Variants in TAF12 observed in about 807,000 individuals in gnomAD.
The protein encoded by TAF12 is transcription initiation factor TFIID subunit 12.
In TAF12, 3 loss-of-function variants were observed where a neutral mutation model predicts 20.8. The observed-to-expected ratio is 0.14, with a 90% confidence interval of 0.07 to 0.37. The LOEUF is 0.37. Ranked by LOEUF, TAF12 falls within the 10% of genes least tolerant of loss-of-function variation. TAF12 has a pLI of 1.00. For missense variants in TAF12, 131 were observed against 197.9 expected (o/e 0.66, Z 2.03); for synonymous variants, 69 against 70.2 (o/e 0.98, Z 0.09).
At chr1:28,628,126 C>T (rs564038464) in intron 1 of TAF12, among the ~76,000 whole-genome samples, 7 of 149,386 alleles carry the variant, frequency 4.7e-5, no homozygotes, top group East Asian at 3.9e-4. Context: ...GATATTTATC[C>T]GACAGAAAGG....
At chr1:28,615,460 C>T (rs1216729603) in intron 3 of TAF12, among the ~76,000 whole-genome samples, 1 of 151,790 alleles carries the variant, frequency 6.6e-6, no homozygotes, top group Non-Finnish European at 1.5e-5. Flanking sequence ...GGGTGGATGA[C>T]CTGAGGTCAG....
intron 1 of TAF12, among the ~76,000 whole-genome samples, chr1:28,623,523 A>C (rs1255635927): frequency 6.7e-6 from 1 of 150,180 alleles, no homozygotes; most frequent in Non-Finnish European, 1.5e-5. Flanking sequence ...AACTAGAATA[A>C]GCAAGACATT....
chr1:28,607,439 A>G (rs1278460683), intron 4 of TAF12, among the ~76,000 whole-genome samples: 1 of 151,956 alleles, frequency 6.6e-6, no homozygotes, highest in Non-Finnish European at 1.5e-5. Context: ...GGGAGGCCAA[A>G]GTGGGCGGAT....
chr1:28,638,173 G>GTATTTTATTT (rs766915282), intron 1 of TAF12, among the ~76,000 whole-genome samples: 40 of 150,402 alleles, frequency 2.7e-4, no homozygotes, highest in African/African-American at 5.9e-4. Flanking sequence ...GCTAATTTTT[G>GTATTTTATTT]TATTTTATTT....
chr1:28,639,525 TATA>T (rs1309111503), intron 1 of TAF12, among the ~76,000 whole-genome samples: 1 of 152,018 alleles, frequency 6.6e-6, no homozygotes, highest in Non-Finnish European at 1.5e-5. Context: ...GAAGTCCTAT[TATA>T]ATAAGTCAAC....
chr1:28,635,139 A>G (rs1667773302), intron 1 of TAF12, among the ~76,000 whole-genome samples: 1 of 148,196 alleles, frequency 6.7e-6, no homozygotes, highest in Admixed American at 6.8e-5. Flanking sequence ...CTGAAGCAGG[A>G]GAATAGCGCG....
At chr1:28,642,850 G>C in intron 1 of TAF12, 142 bp downstream of exon 1, 2 of 985,910 alleles carry the variant, frequency 2.0e-6, no homozygotes, top group Non-Finnish European at 2.4e-6. Flanking sequence ...GATCCTCTCA[G>C]TCAGTCCCTT....
chr1:28,633,799 C>T (rs933449866), intron 1 of TAF12, among the ~76,000 whole-genome samples: 2 of 151,600 alleles, frequency 1.3e-5, no homozygotes, highest in African/African-American at 4.8e-5. Flanking sequence ...GTAATCCCAG[C>T]TATTCGGGAG....
At chr1:28,645,737 G>A (rs751790579), upstream of TAF12, among the ~76,000 whole-genome samples, 54 of 152,074 alleles carry the variant, frequency 3.6e-4, no homozygotes, top group Non-Finnish European at 6.8e-4. Context: ...TTGGGAGGCC[G>A]AGGCAGGTGG....
intron 1 of TAF12, among the ~76,000 whole-genome samples, chr1:28,623,050 A>C (rs1038489073): frequency 2.6e-5 from 4 of 151,812 alleles, no homozygotes; most frequent in Non-Finnish European, 4.4e-5. Context: ...AAAAAAAACA[A>C]AACACAAAAA....
At position 28,605,135 on chromosome 1, in the gene TAF12, A is replaced by G. The variant is rs564005522; in HGVS notation, c.450+237T>C. ...GAATCAACAGCTTTAAGTGACACTC[A>G]ACAGAGTTACGAGAAAAAACAGACC... On this transcript the variant is annotated intron_variant, in intron 5 of 5. Coordinates refer to ENST00000373824, the MANE Select transcript of TAF12 (RefSeq NM_005644.4). Among the ~76,000 whole-genome samples, 3 of 152,320 alleles carry G rather than the reference A, an allele frequency of 2.0e-5. No individual in the cohort carries two copies. The East Asian group carries it at 5.8e-4, about 29-fold the overall frequency.
chr1:28,615,184 A>G (rs1181464783), intron 3 of TAF12, among the ~76,000 whole-genome samples: 2 of 152,154 alleles, frequency 1.3e-5, no homozygotes, highest in Non-Finnish European at 2.9e-5. Context: ...TATAGTCCCC[A>G]TGGCAGCTTC....
At chr1:28,639,699 T>C (rs1410364396) in intron 1 of TAF12, among the ~76,000 whole-genome samples, 1 of 152,138 alleles carries the variant, frequency 6.6e-6, no homozygotes, top group Non-Finnish European at 1.5e-5. Context: ...TTTTGATCAT[T>C]TATATATAAT....
intron 1 of TAF12, among the ~76,000 whole-genome samples, chr1:28,622,705 T>C (rs1452214688): frequency 2.6e-5 from 4 of 151,530 alleles, no homozygotes; most frequent in South Asian, 2.1e-4. Flanking sequence ...CTGGGGAACA[T>C]GGGGAAGCCC....
chr1:28,646,200 C>G (rs552940285), upstream of TAF12: 1 of 152,322 alleles, frequency 6.6e-6, no homozygotes, highest in East Asian at 1.9e-4. Context: ...CTGCTTGAGC[C>G]TAGGAGTTCC....
At chr1:28,641,766 A>C (rs1216008750) in intron 1 of TAF12, among the ~76,000 whole-genome samples, 1 of 144,154 alleles carries the variant, frequency 6.9e-6, no homozygotes, top group Non-Finnish European at 1.5e-5. Flanking sequence ...TGCACTTCAG[A>C]CTGGGCGACA....
intron 1 of TAF12, among the ~76,000 whole-genome samples, chr1:28,633,902 A>G (rs1359857387): frequency 1.4e-5 from 2 of 144,358 alleles, no homozygotes; most frequent in East Asian, 4.2e-4. Context: ...ATGAAAGCGA[A>G]ACTCCATCTC....
intron 1 of TAF12, among the ~76,000 whole-genome samples, chr1:28,631,045 CAAAAAAAAA>C (rs903921514): frequency 5.7e-5 from 3 of 52,950 alleles, no homozygotes; most frequent in Admixed American, 3.8e-4. Flanking sequence ...ACTCCGTCTC[CAAAAAAAAA>C]AAAAAAAAAA....
chr1:28,646,799 C>T (rs1668200805), upstream of TAF12, among the ~76,000 whole-genome samples: 4 of 150,976 alleles, frequency 2.6e-5, no homozygotes, highest in East Asian at 3.9e-4. Context: ...CCTGGGTTCA[C>T]GCCATTCTCC....
Sources: allele counts gnomAD v4.1 joint callset (sites outside exome capture counted in the v4.1 genomes callset), GRCh38; gene constraint gnomAD v4.1.1; transcripts MANE v1.5; gene names NCBI Gene and HGNC (gene_info 2026-07-23, HGNC 2026-07-21).